Variants in BBOF1 observed in about 807,000 individuals in gnomAD.
BBOF1 encodes the protein basal body-orientation factor 1.
In BBOF1, 62 loss-of-function variants were observed where a neutral mutation model predicts 68.0. That is an observed-to-expected ratio of 0.91 (90% CI 0.74 to 1.13). The LOEUF (loss-of-function observed/expected upper bound fraction) is 1.13. Among genes scored for constraint, BBOF1 ranks in the 50% most tolerant of loss-of-function variants. The pLI is 0.00. For missense variants in BBOF1, 534 were observed against 600.1 expected (o/e 0.89, Z 1.15); for synonymous variants, 208 against 198.8 (o/e 1.05, Z -0.39).
chr14:74,047,866 AT>A, intron 6 of BBOF1, 63 bp from the exon 7 acceptor site: 1 of 1,444,924 alleles, frequency 6.9e-7, no homozygotes, highest in East Asian at 2.4e-5. Context: ...TGAAGCAATC[AT>A]TTTTCTATTT....
chr14:74,024,568 G>T (rs2059382290), intron 2 of BBOF1, among the ~76,000 whole-genome samples: 1 of 152,066 alleles, frequency 6.6e-6, no homozygotes, highest in South Asian at 2.1e-4. Context: ...GGGCTCAGAT[G>T]ATCCTCCTGC....
Position 74,064,863 on chromosome 14 carries a change from G to A in BBOF1, c.*164G>A, listed in dbSNP as rs1410668144. On this transcript the variant is annotated 3_prime_UTR_variant, in exon 12 of 12. Coordinates refer to ENST00000394009, the MANE Select transcript of BBOF1 (RefSeq NM_025057.3). ...TTGGTGTCTCCCCTGAAGGAGGATC[G>A]AGAGCCGGTGAATGAGAACATTGGC... The A allele has an allele frequency of 6.2e-6, 10 of 1,614,040 alleles. No homozygotes were observed. Among genetic ancestry groups the A allele is most frequent in the Admixed American group, 1.7e-5 (1 of 59,996 alleles).
chr14:74,072,149 G>A, intron 9 of BBOF1: 1 of 1,612,776 alleles, frequency 6.2e-7, no homozygotes, highest in Non-Finnish European at 8.5e-7. Flanking sequence ...CTGTGAGAGT[G>A]ACAAACATGC....
At position 74,046,082 on chromosome 14, in the gene BBOF1, A is replaced by C; in HGVS notation, c.599A>C (p.Glu200Ala). ...TAGCACCGACTAGAACAAGAGGCTG[A>C]AAAGAAGATAATAATGCTAGCAGAG... ...EEKHRLEQEA[E>A]KKIIMLAERA... The change falls in exon 6 of 12, where the codon GAA (glutamate) becomes GCA (alanine). Residue 200 changes from glutamate to alanine, a missense_variant. By Grantham distance (107) the Glu-to-Ala change is moderately radical (BLOSUM62 -1). Coordinates refer to ENST00000394009, the MANE Select transcript of BBOF1 (RefSeq NM_025057.3). The C allele has an allele frequency of 6.2e-7, 1 of 1,608,834 alleles. No homozygotes were observed. The highest frequency in any genetic ancestry group is 8.5e-7 in the Non-Finnish European group (1 of 1,177,574).
chr14:74,053,206 G>A (rs1217685279), intron 8 of BBOF1, among the ~76,000 whole-genome samples: 1 of 151,628 alleles, frequency 6.6e-6, no homozygotes, highest in Admixed American at 6.6e-5. Flanking sequence ...TCTGACTTCC[G>A]GGTTCAAGCG....
intron 5 of BBOF1, chr14:74,040,850 A>T: frequency 1.9e-6 from 1 of 525,080 alleles, no homozygotes; most frequent in South Asian, 3.1e-5. Flanking sequence ...TCATTCAGAG[A>T]TTCTTGTCCT....
At chr14:74,023,888 C>T (rs1293143666) in intron 2 of BBOF1, among the ~76,000 whole-genome samples, 1 of 149,390 alleles carries the variant, frequency 6.7e-6, no homozygotes, top group African/African-American at 2.5e-5. Context: ...TACACTCCAG[C>T]CTGGCAGCCT....
intron 9 of BBOF1, chr14:74,072,392 T>G: frequency 6.2e-7 from 1 of 1,614,060 alleles, no homozygotes; most frequent in Non-Finnish European, 8.5e-7. Context: ...CACATGATCC[T>G]TTGCCTGACT....
intron 11 of BBOF1, chr14:74,057,646 AT>A: frequency 7.5e-7 from 1 of 1,331,066 alleles, no homozygotes; most frequent in Non-Finnish European, 9.8e-7. Context: ...ATATGAAATG[AT>A]TTTTTTAAGC....
intron 12 of BBOF1, among the ~76,000 whole-genome samples, chr14:74,082,581 G>A (rs2060681519): frequency 6.6e-6 from 1 of 151,822 alleles, no homozygotes; most frequent in Non-Finnish European, 1.5e-5. Context: ...TGTATTTTTA[G>A]TAGAGAAGGG....
downstream of BBOF1, among the ~76,000 whole-genome samples, chr14:74,067,987 A>G (rs1231366702): frequency 7.5e-6 from 1 of 133,526 alleles, no homozygotes; most frequent in Non-Finnish European, 1.6e-5. Flanking sequence ...AGTTATATGA[A>G]GAGCAATGTT....
downstream of BBOF1, chr14:74,067,601 T>C (rs1595119363): frequency 3.7e-6 from 6 of 1,609,424 alleles, no homozygotes; most frequent in East Asian, 1.1e-4. Flanking sequence ...ACATGAGTCT[T>C]CCTTGGCCAA....
chr14:74,045,424 C>T (rs2059927544), intron 5 of BBOF1, among the ~76,000 whole-genome samples: 2 of 152,188 alleles, frequency 1.3e-5, no homozygotes, highest in African/African-American at 4.8e-5. Flanking sequence ...ATTCTCCTGC[C>T]TCAGCCTACC....
intron 1 of BBOF1, 70 bp downstream of exon 1, chr14:74,019,604 C>T (rs1032951248): frequency 3.3e-5 from 51 of 1,540,436 alleles, no homozygotes; most frequent in Non-Finnish European, 4.4e-5. Flanking sequence ...GGGCTGGCAA[C>T]CTGGCGCCCC....
At chr14:74,039,900 A>G (rs2141031079) in intron 4 of BBOF1, among the ~76,000 whole-genome samples, 1 of 152,308 alleles carries the variant, frequency 6.6e-6, no homozygotes, top group Non-Finnish European at 1.5e-5. Context: ...CCATCTCCAC[A>G]TACAATGGGA....
chr14:74,019,842 C>A (rs1160129663), intron 1 of BBOF1, among the ~76,000 whole-genome samples: 4 of 152,240 alleles, frequency 2.6e-5, no homozygotes, highest in Non-Finnish European at 4.4e-5. Flanking sequence ...CCAAACTGAT[C>A]AGAGCCACTG....
downstream of BBOF1, chr14:74,069,070 G>GA: frequency 9.0e-7 from 1 of 1,110,634 alleles, no homozygotes; most frequent in Non-Finnish European, 1.3e-6. Context: ...CTATGGATTT[G>GA]AAGTTTTCCT....
chr14:74,051,646 G>A (rs905377954), intron 8 of BBOF1, among the ~76,000 whole-genome samples: 1 of 151,680 alleles, frequency 6.6e-6, no homozygotes, highest in African/African-American at 2.4e-5. Flanking sequence ...TTTCCTATTA[G>A]CATTTTTGTT....
chr14:74,041,712 C>T (rs2059828215), intron 5 of BBOF1, among the ~76,000 whole-genome samples: 1 of 152,104 alleles, frequency 6.6e-6, no homozygotes, highest in African/African-American at 2.4e-5. Flanking sequence ...TATATCATCA[C>T]ACCTAGCTAA....
Sources: gnomAD v4.1 joint callset for allele counts (sites outside exome capture counted in the v4.1 genomes callset) on GRCh38, gnomAD v4.1.1 for gene constraint, MANE v1.5 for transcripts, NCBI Gene and HGNC (gene_info 2026-07-23, HGNC 2026-07-21) for gene names.